GRAMD1B: variants seen among roughly 807,000 people sequenced by gnomAD.
GRAMD1B encodes the protein protein Aster-B.
A neutral mutation model predicts 99.7 loss-of-function variants in GRAMD1B; 37 were observed. The observed-to-expected ratio is 0.37, with a 90% CI of 0.29 to 0.49. The LOEUF (loss-of-function observed/expected upper bound fraction) is 0.49. Ranked by LOEUF, GRAMD1B falls within the 20% of genes least tolerant of loss-of-function variation. The probability of loss-of-function intolerance (pLI) is 0.98; values close to 1 mark genes in which losing one functional copy is unlikely to be tolerated. For synonymous variants in GRAMD1B, 427 were observed against 387.6 expected, an observed-to-expected ratio of 1.10 and a Z score of -1.19; for missense variants, 888 against 1,009.2, an observed-to-expected ratio of 0.88 and a Z score of 1.63.
intron 1 of GRAMD1B, among the ~76,000 whole-genome samples, chr11:123,415,185 C>T (rs1378198264): frequency 2.1e-5 from 3 of 144,284 alleles, no homozygotes; most frequent in Admixed American, 7.2e-5. Flanking sequence ...TCACTGCAAC[C>T]TCCGCCAACC....
In GRAMD1B at chr11:123,484,298, T is replaced by C. The variant is rs537111786; in HGVS notation, c.452+3405T>C. On this transcript the variant is annotated intron_variant, in intron 2 of 19. Transcript: ENST00000635736. ...CATTCCTGGAAGAGATGAGTAGTGC[T>C]GAGATGCATATACCCTAATACATTT... Among the ~76,000 whole-genome samples, 4 of 152,334 alleles carry C rather than the reference T, an allele frequency of 2.6e-5. No homozygotes were observed. The South Asian group carries it at 8.3e-4, about 32-fold the overall frequency.
At chr11:123,376,136 G>A (rs1274760570) in intron 1 of GRAMD1B, among the ~76,000 whole-genome samples, 1 of 151,042 alleles carries the variant, frequency 6.6e-6, no homozygotes, top group Non-Finnish European at 1.5e-5. Flanking sequence ...CAATCTTACT[G>A]ATTTATTTCT....
At chr11:123,584,195 T>C in intron 3 of GRAMD1B, 117 bp from the exon 4 acceptor site, 1 of 637,318 alleles carries the variant, frequency 1.6e-6, no homozygotes, top group Non-Finnish European at 2.8e-6. Flanking sequence ...AGCATTCAGC[T>C]GCATTTGGAC....
intron 17 of GRAMD1B, among the ~76,000 whole-genome samples, chr11:123,615,308 A>G (rs1248632383): frequency 1.3e-5 from 2 of 152,246 alleles, no homozygotes; most frequent in East Asian, 3.8e-4. Flanking sequence ...ACAATACAAG[A>G]AAAGTGGATG....
intron 1 of GRAMD1B, among the ~76,000 whole-genome samples, chr11:123,469,754 T>TTTCC (rs1950901096): frequency 8.0e-6 from 1 of 125,124 alleles, no homozygotes; most frequent in Non-Finnish European, 1.7e-5. Context: ...TCTTTCTTTC[T>TTTCC]TTCCTTCTTT....
At chr11:123,534,528 GTGGGTTGA>G (rs1441937507) in intron 2 of GRAMD1B, among the ~76,000 whole-genome samples, 12 of 152,170 alleles carry the variant, frequency 7.9e-5, no homozygotes, top group African/African-American at 2.9e-4. Flanking sequence ...GAGATGGGAT[GTGGGTTGA>G]TCCTTGGAGA....
intron 2 of GRAMD1B, among the ~76,000 whole-genome samples, chr11:123,548,527 T>C (rs760184990): frequency 3.3e-5 from 5 of 151,832 alleles, no homozygotes; most frequent in South Asian, 2.1e-4. Context: ...AGTACCTGCA[T>C]GCAAGCACTC....
At chr11:123,513,613 C>CTTT (rs1491409860) in intron 2 of GRAMD1B, among the ~76,000 whole-genome samples, 19 of 40,518 alleles carry the variant, frequency 4.7e-4, no homozygotes, top group African/African-American at 1.2e-3. Context: ...TTCCTTCCTT[C>CTTT]CTTCCTTTCT....
In GRAMD1B at chr11:123,598,243, A is replaced by AGTTGTAGTTGTAGTTG. The variant is rs1951527822; in HGVS notation, c.969+2206_969+2207insGTTGTAGTTGTAGTTG. 4 of 1,402,778 alleles carry AGTTGTAGTTGTAGTTG rather than the reference A, an allele frequency of 2.9e-6. No individual in the cohort carries two copies. The East Asian group carries it at 9.1e-5, about 32-fold the overall frequency. 86.9% of individuals were successfully genotyped at this position (1,402,778 alleles called of 1,614,324 possible). On this transcript the variant is annotated intron_variant, in intron 7 of 19. Transcript: ENST00000635736. ...TCCACAGATCTCACAGTTGTAGTTG[A>AGTTGTAGTTGTAGTTG]TATTTAGGCCATGAAGCATATACAG...
At chr11:123,414,145 A>C (rs1030757087) in intron 1 of GRAMD1B, among the ~76,000 whole-genome samples, 8 of 152,002 alleles carry the variant, frequency 5.3e-5, no homozygotes, top group Admixed American at 3.9e-4. Flanking sequence ...CCCAGGTTCA[A>C]ACAATTCTCC....
chr11:123,439,556 G>T (rs1246803041), intron 1 of GRAMD1B, among the ~76,000 whole-genome samples: 1 of 152,114 alleles, frequency 6.6e-6, no homozygotes, highest in Non-Finnish European at 1.5e-5. Context: ...TAACACATTG[G>T]GTAGTCAGAG....
intron 1 of GRAMD1B, among the ~76,000 whole-genome samples, chr11:123,418,763 C>T (rs950742283): frequency 1.3e-5 from 2 of 152,178 alleles, no homozygotes; most frequent in African/African-American, 4.8e-5. Context: ...TTTCTAGAGA[C>T]TTCCAGGCTG....
intron 1 of GRAMD1B, chr11:123,460,188 C>T (rs1266795978): frequency 6.6e-6 from 1 of 152,138 alleles, no homozygotes; most frequent in Non-Finnish European, 1.5e-5. Context: ...CTCCATGCTA[C>T]TGAAAAGTGA....
intron 10 of GRAMD1B, among the ~76,000 whole-genome samples, chr11:123,606,103 C>CAG (rs1245873287): frequency 1.3e-5 from 2 of 152,210 alleles, no homozygotes; most frequent in Non-Finnish European, 2.9e-5. Context: ...GGCTATGGAT[C>CAG]AGACCACCTG....
chr11:123,567,270 T>C (rs17455332), intron 2 of GRAMD1B, among the ~76,000 whole-genome samples: 14,146 of 152,238 alleles, frequency 0.093, 943 homozygotes, highest in Non-Finnish European at 0.15. Flanking sequence ...AGTTGGATTC[T>C]ATAAGAAGTT....
At chr11:123,401,883 G>A (rs181192405) in intron 1 of GRAMD1B, among the ~76,000 whole-genome samples, 110 of 152,202 alleles carry the variant, frequency 7.2e-4, no homozygotes, top group African/African-American at 2.4e-3. Flanking sequence ...ACTCCAGCCT[G>A]GGTGACAGAG....
intron 1 of GRAMD1B, among the ~76,000 whole-genome samples, chr11:123,403,310 C>A (rs1222893188): frequency 3.3e-5 from 5 of 151,470 alleles, no homozygotes; most frequent in Admixed American, 2.6e-4. Flanking sequence ...GCCTGTAGTC[C>A]CAGCTACTCA....
At chr11:123,509,872 A>T (rs897566192) in intron 2 of GRAMD1B, 9 of 152,262 alleles carry the variant, frequency 5.9e-5, no homozygotes, top group Non-Finnish European at 1.0e-4. Flanking sequence ...CTCCAATCAG[A>T]CTGCTCGGAG....
chr11:123,403,669 G>A (rs1050053328), intron 1 of GRAMD1B, among the ~76,000 whole-genome samples: 2 of 151,198 alleles, frequency 1.3e-5, no homozygotes, highest in Non-Finnish European at 2.9e-5. Context: ...TCAGCCTCCC[G>A]AGTAGCTGGG....
Sources: allele counts gnomAD v4.1 joint callset (sites outside exome capture counted in the v4.1 genomes callset), GRCh38; gene constraint gnomAD v4.1.1; transcripts MANE v1.5; gene names NCBI Gene and HGNC (gene_info 2026-07-23, HGNC 2026-07-21).